SPIDR: variants seen among roughly 807,000 people sequenced by gnomAD.
The protein encoded by SPIDR is scaffold protein involved in DNA repair, also known as DNA repair-scaffolding protein.
A neutral mutation model predicts 104.6 loss-of-function variants in SPIDR; 93 were observed. The ratio of observed to expected loss-of-function variants is 0.89; its 90% CI spans 0.75 to 1.06. The LOEUF (loss-of-function observed/expected upper bound fraction) is 1.06. Ranked by LOEUF, SPIDR falls within the 50% of genes least tolerant of loss-of-function variation. The pLI is 0.00. For missense variants in SPIDR, 1,154 were observed against 1,111.2 expected, an observed-to-expected ratio of 1.04 and a Z score of -0.55; for synonymous variants, 431 against 416.9, an observed-to-expected ratio of 1.03 and a Z score of -0.41.
Position 47,577,683 on chromosome 8 carries a change from T to A in SPIDR, c.1098-18128T>A, listed in dbSNP as rs573975757. On this transcript the variant is annotated intron_variant, in intron 8 of 19. Transcript: ENST00000297423. ...CCTTGTAGACATCTAGGAACAACTATACTTAAGTAAAATTAGGTAGAGGTA... is the reference window on the plus strand; with the variant it reads ...CCTTGTAGACATCTAGGAACAACTAAACTTAAGTAAAATTAGGTAGAGGTA... Among the ~76,000 whole-genome samples the A allele has an allele frequency of 3.3e-5, 5 of 152,320 alleles. No individual in the cohort carries two copies. In the South Asian group the frequency reaches 1.0e-3, roughly 32 times the overall value.
chr8:47,618,608 A>G (rs574098911), intron 10 of SPIDR, among the ~76,000 whole-genome samples: 28 of 152,356 alleles, frequency 1.8e-4, no homozygotes, highest in Admixed American at 2.6e-4. Context: ...ATTTATTACT[A>G]TATACAAGGC....
rs140754881 is a variant in SPIDR, at chr8:47,563,583, C to G, written c.1098-32228C>G. On this transcript the variant is annotated intron_variant, in intron 8 of 19. Transcript: ENST00000297423. ...CAGGTTGTCATGTACCATTGTGCCC[C>G]TATCGACTGTCACATGCGAGGATAA... 1.1e-3 allele frequency among the ~76,000 whole-genome samples: 160 copies of G among 152,284 alleles called. 3 individuals are homozygous for G. The East Asian group carries it at 0.025, about 24-fold the overall frequency.
chr8:47,584,669 A>G (rs1365409376), intron 8 of SPIDR, among the ~76,000 whole-genome samples: 2 of 152,190 alleles, frequency 1.3e-5, no homozygotes, highest in Non-Finnish European at 2.9e-5. Flanking sequence ...CACTTTACCT[A>G]CTGCTTCCTT....
Position 47,459,125 on chromosome 8 carries a change from GT to G in SPIDR, c.1097+18587del, listed in dbSNP as rs536079000. Reference sequence around the variant, plus strand: ...TTTGCATGTCTTATGTGCTTTCCTGGTTTTGTTATTAGGGTGATCCTGGCTT... The same window carrying G: ...TTTGCATGTCTTATGTGCTTTCCTGGTTTGTTATTAGGGTGATCCTGGCTT... On this transcript the variant is annotated intron_variant, in intron 8 of 19. Coordinates refer to ENST00000297423, the MANE Select transcript of SPIDR (RefSeq NM_001080394.4). 2.6e-5 allele frequency among the ~76,000 whole-genome samples: 4 copies of G among 152,022 alleles called. No individual in the cohort carries two copies. In the South Asian group the frequency reaches 8.3e-4, roughly 32 times the overall value.
At chr8:47,637,293 A>C (rs1306823364) in intron 10 of SPIDR, among the ~76,000 whole-genome samples, 1 of 152,072 alleles carries the variant, frequency 6.6e-6, no homozygotes, top group Non-Finnish European at 1.5e-5. Flanking sequence ...AACTGTGCCC[A>C]ATGCGGTGGC....
At chr8:47,301,421 A>G (rs1480807102) in intron 5 of SPIDR, among the ~76,000 whole-genome samples, 1 of 152,134 alleles carries the variant, frequency 6.6e-6, no homozygotes, top group Non-Finnish European at 1.5e-5. Context: ...GTGTCTTTTT[A>G]TTGGAGCATT....
chr8:47,299,260 T>C (rs2041552829), intron 5 of SPIDR, among the ~76,000 whole-genome samples: 1 of 152,078 alleles, frequency 6.6e-6, no homozygotes, highest in East Asian at 1.9e-4. Context: ...CTGTCTGTTA[T>C]TGGTGTATAA....
At chr8:47,289,951 A>C (rs1423478937) in intron 3 of SPIDR, among the ~76,000 whole-genome samples, 2 of 152,204 alleles carry the variant, frequency 1.3e-5, no homozygotes, top group Non-Finnish European at 2.9e-5. Context: ...ATGTTGATAC[A>C]CACAACTTAG....
chr8:47,467,888 A>G (rs1211694631), intron 8 of SPIDR, among the ~76,000 whole-genome samples: 3 of 152,214 alleles, frequency 2.0e-5, no homozygotes, highest in Non-Finnish European at 4.4e-5. Context: ...AATAAAAGGC[A>G]TCTAAATAGG....
At chr8:47,337,583 T>A (rs1163623193) in intron 5 of SPIDR, among the ~76,000 whole-genome samples, 1 of 152,032 alleles carries the variant, frequency 6.6e-6, no homozygotes, top group African/African-American at 2.4e-5. Flanking sequence ...TCCATAAAAG[T>A]TTTTGTTTTT....
intron 8 of SPIDR, among the ~76,000 whole-genome samples, chr8:47,464,564 G>C (rs2074457748): frequency 6.6e-6 from 1 of 152,030 alleles, no homozygotes; most frequent in South Asian, 2.1e-4. Context: ...TGGTGACTCT[G>C]GGGGAATGGC....
chr8:47,708,142 T>C (rs937146545), intron 14 of SPIDR, among the ~76,000 whole-genome samples: 1 of 152,016 alleles, frequency 6.6e-6, no homozygotes, highest in Non-Finnish European at 1.5e-5. Flanking sequence ...TCTACAAAAA[T>C]ACAAAAATTA....
intron 11 of SPIDR, among the ~76,000 whole-genome samples, chr8:47,677,165 A>C (rs1283831222): frequency 6.6e-6 from 1 of 152,124 alleles, no homozygotes; most frequent in Non-Finnish European, 1.5e-5. Flanking sequence ...CCACCCCCCA[A>C]CCTGCCCCCG....
intron 11 of SPIDR, among the ~76,000 whole-genome samples, chr8:47,693,558 C>A (rs188549514): frequency 6.6e-6 from 1 of 152,218 alleles, no homozygotes; most frequent in Non-Finnish European, 1.5e-5. Context: ...GCCATGCCAG[C>A]GTTATGCGCC....
chr8:47,477,354 C>T (rs184070706), intron 8 of SPIDR, among the ~76,000 whole-genome samples: 6 of 152,200 alleles, frequency 3.9e-5, no homozygotes, highest in African/African-American at 1.2e-4. Flanking sequence ...TTGGCGACCA[C>T]GCCCAGCTAA....
intron 8 of SPIDR, chr8:47,547,462 C>T (rs948624216): frequency 4.1e-5 from 9 of 218,206 alleles, no homozygotes; most frequent in South Asian, 2.4e-4. Flanking sequence ...GAGTCTCGCT[C>T]TGTCGCCAGG....
chr8:47,443,139 A>C (rs369609610), intron 8 of SPIDR, among the ~76,000 whole-genome samples: 1 of 152,192 alleles, frequency 6.6e-6, no homozygotes, highest in Admixed American at 6.5e-5. Flanking sequence ...CTTTACAAGT[A>C]AATGAGTTAT....
chr8:47,487,186 A>G (rs543462145), intron 8 of SPIDR, among the ~76,000 whole-genome samples: 3 of 2,222 alleles, frequency 1.4e-3, no homozygotes, highest in African/African-American at 1.7e-3. Flanking sequence ...ACAAAACAAA[A>G]CAAAAAGGGG....
chr8:47,477,173 AC>A (rs1554724254), intron 8 of SPIDR, among the ~76,000 whole-genome samples: 2 of 152,178 alleles, frequency 1.3e-5, no homozygotes, highest in Non-Finnish European at 2.9e-5. Flanking sequence ...GGAGTCTGGT[AC>A]CAGAGTCTGT....
Sources: gnomAD v4.1 joint callset for allele counts (sites outside exome capture counted in the v4.1 genomes callset) on GRCh38, gnomAD v4.1.1 for gene constraint, MANE v1.5 for transcripts, NCBI Gene and HGNC (gene_info 2026-07-23, HGNC 2026-07-21) for gene names.